The following TFE3 variants were observed in gnomAD, a reference collection of about 807,000 sequenced individuals.
TFE3 encodes transcription factor E3.
In TFE3, 5 loss-of-function variants were observed where a neutral mutation model predicts 35.0. That is an observed-to-expected ratio of 0.14 (90% CI 0.07 to 0.30). The LOEUF is 0.30. Ranked by LOEUF, TFE3 falls within the 10% of genes least tolerant of loss-of-function variation. The pLI, the probability that TFE3 is intolerant of heterozygous loss-of-function variation, is 1.00. For missense variants in TFE3, 374 were observed against 496.6 expected, an observed-to-expected ratio of 0.75 and a Z score of 2.35; for synonymous variants, 211 against 215.6, an observed-to-expected ratio of 0.98 and a Z score of 0.18.
Position 49,034,954 on chromosome X carries a change from G to GCT in TFE3, c.886-704_886-703insAG, listed in dbSNP as rs2064719549. 4.9e-5 allele frequency among the ~76,000 whole-genome samples: 5 copies of GCT among 102,287 alleles called. No homozygotes were observed. The East Asian group carries it at 9.1e-4, about 19-fold the overall frequency. 88.8% of individuals were successfully genotyped at this position (102,287 alleles called of 115,157 possible). On this transcript the variant is annotated intron_variant, in intron 5 of 9. Coordinates refer to ENST00000315869, the MANE Select transcript of TFE3 (RefSeq NM_006521.6). ...ATTAGCACTGCTTTATGTCAGCCTAGTTTTTTTTTTTTCCTCTCCTTCACA... is the reference window on the plus strand; with the variant it reads ...ATTAGCACTGCTTTATGTCAGCCTAGCTTTTTTTTTTTTTCCTCTCCTTCACA...
In TFE3 at chrX:49,040,657, G is replaced by T. The variant is rs782457379; in HGVS notation, c.117-89C>A. ...TGAGACAGAGAAAGAGAGAGAGAGGGGGGGAGAACGAAGAGGAGGGTACAA... is the reference window on the plus strand; with the variant it reads ...TGAGACAGAGAAAGAGAGAGAGAGGTGGGGAGAACGAAGAGGAGGGTACAA... On this transcript the variant is annotated intron_variant, in intron 1 of 9. Transcript: ENST00000315869. The T allele has an allele frequency of 9.1e-4, 576 of 631,280 alleles. 6 individuals are homozygous for T. The South Asian group carries it at 9.1e-3, about 10-fold the overall frequency. 52.0% of individuals were successfully genotyped at this position (631,280 alleles called of 1,213,427 possible).
rs182218319 is a variant in TFE3 at position 49,031,756 on chromosome X, T to A, written c.1137-212A>T. 143 of 352,821 alleles carry A rather than the reference T, an allele frequency of 4.1e-4. 2 individuals carry two copies. The East Asian group carries it at 4.7e-3, about 12-fold the overall frequency. The allele number at this position is 352,821 out of a possible 1,213,427, so 29.1% of individuals were successfully genotyped here. A position where few individuals can be genotyped will look rare whatever the true frequency, so the allele number is the denominator to read the frequency against. ...CACTCCAAACCCTGGAAGCCGTCTC[T>A]GACCTGACCCCTTAGGATTCCTCTC... On this transcript the variant is annotated intron_variant, in intron 8 of 9. Transcript: ENST00000315869.
At chrX:49,040,676 G>A (rs1463112112) in intron 1 of TFE3, 108 bp from the exon 2 acceptor site, 3 of 531,973 alleles carry the variant, frequency 5.6e-6, no homozygotes, top group African/African-American at 4.7e-5. Flanking sequence ...CGAAGAGGAG[G>A]GTACAAGCCC....
Position 49,038,391 on chromosome X carries a change from G to T in TFE3, c.586C>A (p.Arg196=), listed in dbSNP as rs782560515. The T allele has an allele frequency of 7.5e-6, 9 of 1,202,408 alleles. No individual in the cohort carries two copies. In the South Asian group the frequency reaches 1.6e-4, roughly 21 times the overall value. Residue 196 remains arginine (R), a synonymous_variant, in exon 4 of 10, where the codon CGG becomes AGG. Coordinates refer to ENST00000315869, the MANE Select transcript of TFE3 (RefSeq NM_006521.6). Reference sequence around the variant, plus strand: ...GACAGGTACTGTTTCACCTGCTGCCGGCGCGCCTGCTGCAGGTGGTAGCGC... The same window carrying T: ...GACAGGTACTGTTTCACCTGCTGCCTGCGCGCCTGCTGCAGGTGGTAGCGC... ...PTRYHLQQAR[R]QQVKQYLSTT...
intron 9 of TFE3, among the ~76,000 whole-genome samples, chrX:49,031,125 CAT>C (rs1193340730): frequency 9.0e-6 from 1 of 111,077 alleles, no homozygotes; most frequent in Non-Finnish European, 1.9e-5. Context: ...GCCCCTATCT[CAT>C]AGAATTCTGA....
At chrX:49,040,659 G>T in intron 1 of TFE3, 91 bp from the exon 2 acceptor site, 2 of 632,120 alleles carry the variant, frequency 3.2e-6, no homozygotes, top group East Asian at 6.8e-5. Flanking sequence ...GAGAGAGGGG[G>T]GGAGAACGAA....
At chrX:49,042,685 G>C (rs183263932) in intron 1 of TFE3, among the ~76,000 whole-genome samples, 201 of 111,047 alleles carry the variant, frequency 1.8e-3, no homozygotes, top group African/African-American at 6.3e-3. Flanking sequence ...CTCCCACACT[G>C]AGGGAAAAAA....
intron 9 of TFE3, 33 bp downstream of exon 9, chrX:49,031,364 C>T (rs781948743): frequency 2.5e-5 from 29 of 1,162,361 alleles, no homozygotes; most frequent in Non-Finnish European, 3.2e-5. Context: ...AGCTCTCCCC[C>T]TCTTCCCCCA....
At chrX:49,035,927 TG>T (rs1411236709) in intron 5 of TFE3, among the ~76,000 whole-genome samples, 3 of 109,816 alleles carry the variant, frequency 2.7e-5, no homozygotes, top group African/African-American at 9.9e-5. Context: ...CCCAGCACTT[TG>T]GGAGGCCGAG....
chrX:49,034,358 C>T, intron 5 of TFE3, 107 bp from the exon 6 acceptor site: 2 of 537,739 alleles, frequency 3.7e-6, no homozygotes, highest in Non-Finnish European at 6.4e-6. Flanking sequence ...GATGGGGCAC[C>T]CTCTAATGCA....
In TFE3 at chrX:49,040,567, G is replaced by A; in HGVS notation, c.118C>T (p.Leu40=). ...RPADSAQLLS[L]NSLLPESGIV... ...CCGGATTCCGGAAGCAAAGAGTTCA[G>A]GCTGAGGGGGAGGTGGAGTGGTGGT... The change falls in exon 2 of 10, where the codon CTG becomes TTG. Residue 40 remains leucine (L), a splice_region_variant and synonymous_variant. Coordinates refer to ENST00000315869, the MANE Select transcript of TFE3 (RefSeq NM_006521.6). The A allele has an allele frequency of 8.5e-7, 1 of 1,177,760 alleles. No homozygotes were observed. Among genetic ancestry groups the A allele is most frequent in the Non-Finnish European group, 1.2e-6 (1 of 864,851 alleles).
Position 49,040,469 on chromosome X carries a change from T to A in TFE3, c.216A>T (p.Leu72Phe). 1.7e-6 allele frequency: 2 copies of A among 1,207,545 alleles called. No homozygotes were observed. The highest frequency in any genetic ancestry group is 2.2e-6 in the Non-Finnish European group (2 of 892,677). The change falls in exon 2 of 10, where the codon TTA becomes TTT. Residue 72 changes from leucine to phenylalanine, a missense_variant. Transcript: ENST00000315869. The part of the protein sequence containing the change: ...DSFYELKSQP[L>F]PLRSSLPISL... ...GTCATACATACCTTGAGCGAAGGGG[T>A]AAGGGTTGGCTTTTGAGCTCGTAGA... is the stretch of plus-strand genomic sequence containing the variant.
At chrX:49,032,394 C>A (rs1341131057) in intron 8 of TFE3, among the ~76,000 whole-genome samples, 6 of 110,797 alleles carry the variant, frequency 5.4e-5, no homozygotes, top group Non-Finnish European at 1.1e-4. Context: ...GCCACCACGC[C>A]CAGCTAATTT....
At chrX:49,040,818 C>T (rs1395322373) in intron 1 of TFE3, among the ~76,000 whole-genome samples, 2 of 107,818 alleles carry the variant, frequency 1.9e-5, no homozygotes, top group Non-Finnish European at 3.8e-5. Flanking sequence ...GCCTGCATCC[C>T]AACCCCCACA....
In TFE3 at chrX:49,030,192, C is replaced by T. The variant is rs782782345; in HGVS notation, c.1694G>A (p.Arg565His). Residue 565 changes from arginine (R) to histidine (H), a missense_variant, in exon 10 of 10, where the codon CGC (arginine) becomes CAC (histidine). This residue lies in a region of TFE3 where 117 missense variants were observed against 111.9 expected (regional missense o/e 1.05). Transcript: ENST00000315869. ...VSPAVSKASSRRSSFSMEEES is the reference protein window; with the variant it reads ...VSPAVSKASSHRSSFSMEEES ...CTCTTCCATGCTGAAGCTGCTGCGGCGGCTGCTGGCCTTGGAGACAGCAGG... is the reference window on the plus strand; with the variant it reads ...CTCTTCCATGCTGAAGCTGCTGCGGTGGCTGCTGGCCTTGGAGACAGCAGG... 3.3e-6 allele frequency: 4 copies of T among 1,205,999 alleles called. No individual in the cohort carries two copies. The highest frequency in any genetic ancestry group is 2.2e-5 in the Admixed American group (1 of 45,034).
chrX:49,029,547 G>A lies in TFE3; in HGVS notation c.*611C>T, dbSNP rs1277388954. ...TTCCTATAGGGAAGGGGTGGGGCCT[G>A]GCTCCTCCATTCCTAGAAGGCCAGG... On this transcript the variant is annotated 3_prime_UTR_variant, in exon 10 of 10. Transcript: ENST00000315869. 6.5e-6 allele frequency: 2 copies of A among 308,030 alleles called. No homozygotes were observed. Among genetic ancestry groups the A allele is most frequent in the African/African-American group, 5.2e-5 (2 of 38,514 alleles). The allele number at this position is 308,030 out of a possible 1,213,427, so 25.4% of individuals were successfully genotyped here. A position where few individuals can be genotyped will look rare whatever the true frequency, so the allele number is the denominator to read the frequency against.
In TFE3 at chrX:49,029,936, C is replaced by G; in HGVS notation, c.*222G>C. 1.9e-6 allele frequency: 1 copy of G among 515,964 alleles called. No homozygotes were observed. The highest frequency in any genetic ancestry group is 3.5e-6 in the Non-Finnish European group (1 of 286,475). 42.5% of individuals were successfully genotyped at this position (515,964 alleles called of 1,213,427 possible). A position where few individuals can be genotyped will look rare whatever the true frequency, so the allele number is the denominator to read the frequency against. On this transcript the variant is annotated 3_prime_UTR_variant, in exon 10 of 10. Coordinates refer to ENST00000315869, the MANE Select transcript of TFE3 (RefSeq NM_006521.6). Reference sequence around the variant, plus strand: ...CATGTCCTTCTCCAGCCTTCTCCTTCTGAAATACCTGCACTGGGCGGTTCC... The same window carrying G: ...CATGTCCTTCTCCAGCCTTCTCCTTGTGAAATACCTGCACTGGGCGGTTCC...
chrX:49,032,681 T>G (rs1393226839), intron 8 of TFE3, among the ~76,000 whole-genome samples: 5 of 107,093 alleles, frequency 4.7e-5, no homozygotes, highest in Non-Finnish European at 9.7e-5. Flanking sequence ...ATCTTTTTTT[T>G]TTTTTGTTTT....
chrX:49,030,424 G>A lies in TFE3; in HGVS notation c.1462C>T (p.Pro488Ser), dbSNP rs181120439. The stretch of plus-strand genomic sequence containing the variant: ...GGCGGTGCAGGGGGCTGCTGATGGG[G>A]AGCATTCTGGGCAGGTCCCCCCCCT... ...HVGGGPAQNA[P>S]HQQPPAPPSD... The change falls in exon 10 of 10, where the codon CCC (proline) becomes TCC (serine). Residue 488 changes from proline to serine, a missense_variant. By Grantham distance (74) the Pro-to-Ser change is moderately conservative (BLOSUM62 -1). This residue lies in a region of TFE3 where 117 missense variants were observed against 111.9 expected (regional missense o/e 1.05). Coordinates refer to ENST00000315869, the MANE Select transcript of TFE3 (RefSeq NM_006521.6). 8.3e-6 allele frequency: 10 copies of A among 1,209,199 alleles called. No homozygotes were observed. The African/African-American group carries it at 1.8e-4, about 21-fold the overall frequency.
Sources: allele counts gnomAD v4.1 joint callset (sites outside exome capture counted in the v4.1 genomes callset), GRCh38; gene constraint gnomAD v4.1.1; regional missense constraint gnomAD v4.1.1; transcripts MANE v1.5; gene names NCBI Gene and HGNC (gene_info 2026-07-23, HGNC 2026-07-21).